The following DENND6A variants were observed in gnomAD, a reference collection of about 807,000 sequenced individuals.
DENND6A encodes protein DENND6A.
In DENND6A, 43 loss-of-function variants were observed where a neutral mutation model predicts 95.5. That is an observed-to-expected ratio of 0.45 (90% CI 0.35 to 0.58). The LOEUF (loss-of-function observed/expected upper bound fraction) is 0.58, where lower values mean the gene tolerates loss of function less well. Ranked by LOEUF, DENND6A falls within the 20% of genes least tolerant of loss-of-function variation. The pLI is 0.00. For missense variants in DENND6A, 574 were observed against 736.0 expected (o/e 0.78, Z 2.55); for synonymous variants, 257 against 260.4 (o/e 0.99, Z 0.13).
At chr3:57,643,343 A>T (rs563113962) in intron 11 of DENND6A, among the ~76,000 whole-genome samples, 1 of 152,256 alleles carries the variant, frequency 6.6e-6, no homozygotes, top group South Asian at 2.1e-4. Flanking sequence ...TTCAGTTTGC[A>T]CATGTTTAGT....
At chr3:57,666,281 C>T in intron 3 of DENND6A, 46 bp from the exon 4 acceptor site, 1 of 1,420,638 alleles carries the variant, frequency 7.0e-7, no homozygotes, top group Non-Finnish European at 9.8e-7. Context: ...CTTAGTATAA[C>T]ATTTATCCAG....
In DENND6A at chr3:57,666,130, T is replaced by A. The variant is rs143412376; in HGVS notation, c.425A>T (p.Tyr142Phe). 6.2e-6 allele frequency: 10 copies of A among 1,613,104 alleles called. No homozygotes were observed. Among genetic ancestry groups the A allele is most frequent in the Non-Finnish European group, 8.5e-6 (10 of 1,179,638 alleles). ...LDQFDKDLPV[Y>F]LKKDPAYFYG... is the part of the protein sequence containing the mutation. ...TATGACTACTTTTCCAACCTTTAAG[T>A]AAACTGGTAAATCTTTGTCAAATTG... The change falls in exon 4 of 20, where the codon TAC (tyrosine) becomes TTC (phenylalanine). Residue 142 changes from tyrosine (Y) to phenylalanine (F), a missense_variant. Physicochemically the swap from Tyr to Phe is conservative, Grantham distance 22 (BLOSUM62 3). Coordinates refer to ENST00000311128, the MANE Select transcript of DENND6A (RefSeq NM_152678.3).
chr3:57,633,732 A>C (rs969317399), intron 14 of DENND6A, among the ~76,000 whole-genome samples: 8 of 151,598 alleles, frequency 5.3e-5, no homozygotes, highest in Middle Eastern at 6.8e-3. Flanking sequence ...CTACTAAAAA[A>C]TACAAAAATT....
At chr3:57,677,467 A>G (rs2071731375) in intron 1 of DENND6A, among the ~76,000 whole-genome samples, 1 of 117,250 alleles carries the variant, frequency 8.5e-6, no homozygotes, top group Non-Finnish European at 1.6e-5. Flanking sequence ...CCAGAGTCTC[A>G]TTCTGTCACC....
At chr3:57,685,081 T>C (rs894125423) in intron 1 of DENND6A, among the ~76,000 whole-genome samples, 12 of 142,282 alleles carry the variant, frequency 8.4e-5, no homozygotes, top group African/African-American at 2.5e-4. Context: ...GCCTGGCTAA[T>C]TTTTTTTTTT....
chr3:57,666,196 T>C lies in DENND6A; in HGVS notation c.359A>G (p.Gln120Arg), dbSNP rs1434312389. The change falls in exon 4 of 20, where the codon CAG becomes CGG. Residue 120 changes from glutamine (Q) to arginine (R), a missense_variant. Transcript: ENST00000311128. ...CAGCGACACCCTCCTCCCAGAAGAC[T>C]GTCGAAATCTAAAACAAAACTGGGT... Reference protein sequence around the residue: ...GDTQFCFRFRQSSGRRVSLHC... With the variant: ...GDTQFCFRFRRSSGRRVSLHC... 1.2e-6 allele frequency: 2 copies of C among 1,613,762 alleles called. No individual in the cohort carries two copies. Among genetic ancestry groups the C allele is most frequent in the East Asian group, 2.2e-5 (1 of 44,852 alleles).
rs543767692 is a variant in DENND6A, at chr3:57,646,313, C to T, written c.941+3G>A. On this transcript the variant is annotated splice_donor_region_variant and intron_variant, in intron 10 of 19. Transcript: ENST00000311128. ...CCCAGAAATAGTAACCAAATAGACTCACTTAACAAGTGCCAATACAGTCTC... is the reference window on the plus strand; with the variant it reads ...CCCAGAAATAGTAACCAAATAGACTTACTTAACAAGTGCCAATACAGTCTC... The T allele has an allele frequency of 1.8e-5, 29 of 1,606,356 alleles. No individual in the cohort carries two copies. The highest frequency in any genetic ancestry group is 1.5e-4 in the South Asian group (13 of 88,552).
At chr3:57,630,394 C>A in intron 18 of DENND6A, 27 bp downstream of exon 18, 1 of 1,539,526 alleles carries the variant, frequency 6.5e-7, no homozygotes. Flanking sequence ...AGTTGTTAAT[C>A]ATTACACAAA....
At position 57,693,023 on chromosome 3, in the gene DENND6A, C is replaced by A. The variant is rs749923145; in HGVS notation, c.-5G>T. ...CGCAGGGCCCCTCAAAGCCATCGGC[C>A]GCCCCCTGACCGTTCGCGCCGCCTC... is the stretch of plus-strand genomic sequence containing the variant. On this transcript the variant is annotated 5_prime_UTR_variant, in exon 1 of 20. Coordinates refer to ENST00000311128, the MANE Select transcript of DENND6A (RefSeq NM_152678.3). 7.0e-7 allele frequency: 1 copy of A among 1,421,728 alleles called. No homozygotes were observed. Among genetic ancestry groups the A allele is most frequent in the African/African-American group, 1.5e-5 (1 of 66,472 alleles). The allele number at this position is 1,421,728 out of a possible 1,614,324, so 88.1% of individuals were successfully genotyped here.
intron 9 of DENND6A, among the ~76,000 whole-genome samples, chr3:57,649,191 C>T (rs1559813809): frequency 6.6e-6 from 1 of 151,982 alleles, no homozygotes; most frequent in African/African-American, 2.4e-5. Context: ...AAAAAGTGGG[C>T]TAAGGACATG....
intron 6 of DENND6A, 81 bp from the exon 7 acceptor site, chr3:57,660,920 C>T (rs2071411682): frequency 4.0e-6 from 5 of 1,262,928 alleles, no homozygotes; most frequent in Non-Finnish European, 5.3e-6. Context: ...AATAAGAACA[C>T]TACTTTCCAT....
chr3:57,684,039 G>T (rs2077189466), intron 1 of DENND6A, among the ~76,000 whole-genome samples: 1 of 151,770 alleles, frequency 6.6e-6, no homozygotes, highest in South Asian at 2.1e-4. Context: ...TGTAATCCCA[G>T]CTACTCAGGA....
At position 57,692,921 on chromosome 3, in the gene DENND6A, A is replaced by AC; in HGVS notation, c.97dup (p.Val33GlyfsTer11). On this transcript the variant is annotated frameshift_variant, in exon 1 of 20. Coordinates refer to ENST00000311128, the MANE Select transcript of DENND6A (RefSeq NM_152678.3). LOFTEE classifies it high-confidence loss of function. ...GTCCTCTGGCGCGCCTCCCGCCGCC[A>AC]CAAGGGCCGGCGCCTCGCGGCCCTC... The AC allele has an allele frequency of 6.4e-7, 1 of 1,568,038 alleles. No individual in the cohort carries two copies.
At chr3:57,653,744 TA>T (rs553856616) in intron 9 of DENND6A, among the ~76,000 whole-genome samples, 164 of 84,716 alleles carry the variant, frequency 1.9e-3, no homozygotes, top group Middle Eastern at 9.4e-3. Context: ...AGACTCCATC[TA>T]AAAAAAAAAA....
intron 1 of DENND6A, among the ~76,000 whole-genome samples, chr3:57,685,000 G>A (rs934167159): frequency 4.2e-4 from 64 of 151,976 alleles, no homozygotes; most frequent in African/African-American, 1.4e-3. Context: ...TGCAACCTCC[G>A]CCTCCCTGGT....
chr3:57,674,196 C>A (rs1575858836), intron 1 of DENND6A, among the ~76,000 whole-genome samples: 1 of 151,884 alleles, frequency 6.6e-6, no homozygotes, highest in African/African-American at 2.4e-5. Flanking sequence ...TACGGTGAAA[C>A]CCCGTCTCTA....
intron 1 of DENND6A, among the ~76,000 whole-genome samples, chr3:57,677,322 T>G (rs115615853): frequency 0.013 from 2,045 of 152,114 alleles, 51 homozygotes; most frequent in African/African-American, 0.046. Flanking sequence ...AACTATAAAT[T>G]CAATTGTGCC....
intron 12 of DENND6A, among the ~76,000 whole-genome samples, chr3:57,636,659 G>A (rs1290366681): frequency 1.3e-5 from 2 of 152,120 alleles, no homozygotes; most frequent in Non-Finnish European, 2.9e-5. Context: ...AAAGTTGGCC[G>A]GGCGTGGTGG....
chr3:57,689,330 T>A (rs1434310959), intron 1 of DENND6A, among the ~76,000 whole-genome samples: 1 of 151,770 alleles, frequency 6.6e-6, no homozygotes, highest in African/African-American at 2.4e-5. Context: ...AAAAAAAAAC[T>A]TGAATAAATA....
Sources: allele counts gnomAD v4.1 joint callset (sites outside exome capture counted in the v4.1 genomes callset), GRCh38; gene constraint gnomAD v4.1.1; transcripts MANE v1.5; gene names NCBI Gene and HGNC (gene_info 2026-07-23, HGNC 2026-07-21).